KCND2: variants seen among roughly 807,000 people sequenced by gnomAD.
KCND2 encodes potassium voltage-gated channel subfamily D member 2.
KCND2 carries 16 observed loss-of-function variants against 54.4 expected under a neutral mutation model. The ratio of observed to expected loss-of-function variants is 0.29; its 90% CI spans 0.20 to 0.45. KCND2 has a LOEUF of 0.45. KCND2 is among the 20% of genes least tolerant of loss of function. The pLI is 1.00. For synonymous variants in KCND2, 317 were observed against 310.7 expected (o/e 1.02, Z -0.21); for missense variants, 486 against 824.2 (o/e 0.59, Z 5.02).
chr7:120,504,878 A>G (rs1007826076), intron 1 of KCND2, among the ~76,000 whole-genome samples: 18 of 151,588 alleles, frequency 1.2e-4, no homozygotes, highest in African/African-American at 4.4e-4. Flanking sequence ...GAATATCGGT[A>G]TACTCTTTTT....
chr7:120,477,363 G>A (rs1195755838), intron 1 of KCND2, among the ~76,000 whole-genome samples: 3 of 152,048 alleles, frequency 2.0e-5, no homozygotes, highest in Admixed American at 2.0e-4. Context: ...TCCACTGTGG[G>A]GAAGATTATA....
chr7:120,482,476 G>T (rs1802620482), intron 1 of KCND2, among the ~76,000 whole-genome samples: 1 of 152,172 alleles, frequency 6.6e-6, no homozygotes, highest in Non-Finnish European at 1.5e-5. Flanking sequence ...GAGAAGAAAT[G>T]ATATAGTTTG....
chr7:120,414,530 C>T (rs539058279), intron 1 of KCND2, among the ~76,000 whole-genome samples: 47 of 152,182 alleles, frequency 3.1e-4, no homozygotes, highest in African/African-American at 1.0e-3. Flanking sequence ...TTACTAGAAC[C>T]TTGTATCACA....
intron 1 of KCND2, among the ~76,000 whole-genome samples, chr7:120,709,995 A>G (rs1178648023): frequency 6.6e-6 from 1 of 152,214 alleles, no homozygotes; most frequent in Non-Finnish European, 1.5e-5. Context: ...ATTTCCAGAC[A>G]GCAACAGCAG....
intron 1 of KCND2, among the ~76,000 whole-genome samples, chr7:120,619,495 A>G (rs1172861777): frequency 1.3e-5 from 2 of 152,280 alleles, no homozygotes; most frequent in Non-Finnish European, 2.9e-5. Flanking sequence ...TGGCCTATCA[A>G]CTAAGATGAA....
chr7:120,295,521 A>T (rs923373690), intron 1 of KCND2, among the ~76,000 whole-genome samples: 37 of 152,080 alleles, frequency 2.4e-4, no homozygotes, highest in African/African-American at 7.7e-4. Flanking sequence ...GGAGTTTCAC[A>T]GAAGGCTTGC....
At chr7:120,389,199 G>A (rs1020562353) in intron 1 of KCND2, among the ~76,000 whole-genome samples, 1 of 151,694 alleles carries the variant, frequency 6.6e-6, no homozygotes, top group African/African-American at 2.4e-5. Context: ...AAGCCAAAAG[G>A]TCCATAATTT....
intron 1 of KCND2, among the ~76,000 whole-genome samples, chr7:120,665,030 A>G (rs549081035): frequency 6.6e-6 from 1 of 152,174 alleles, no homozygotes; most frequent in South Asian, 2.1e-4. Context: ...ATCCACGATG[A>G]TGTGGTTTAC....
At chr7:120,701,866 C>T (rs559963264) in intron 1 of KCND2, among the ~76,000 whole-genome samples, 51 of 152,256 alleles carry the variant, frequency 3.3e-4, no homozygotes, top group Admixed American at 7.8e-4. Flanking sequence ...TGGAAGACAA[C>T]GTAGGCAATG....
intron 1 of KCND2, among the ~76,000 whole-genome samples, chr7:120,712,231 G>T (rs1275392819): frequency 3.1e-5 from 2 of 64,288 alleles, no homozygotes; most frequent in Admixed American, 1.6e-4. Flanking sequence ...TTTGAATTTT[G>T]GATATCTGAA....
At chr7:120,615,587 G>A (rs543066322) in intron 1 of KCND2, among the ~76,000 whole-genome samples, 177 of 152,184 alleles carry the variant, frequency 1.2e-3, no homozygotes, top group Non-Finnish European at 2.1e-3. Flanking sequence ...ATTTGATAAG[G>A]GGCAACCCCA....
chr7:120,552,788 A>G (rs1271195503), intron 1 of KCND2, among the ~76,000 whole-genome samples: 1 of 152,106 alleles, frequency 6.6e-6, no homozygotes, highest in Middle Eastern at 3.2e-3. Flanking sequence ...TGAAATAGTC[A>G]CTATGCCAGG....
In KCND2 at chr7:120,745,920, A is replaced by T; in HGVS notation, c.1608A>T (p.Lys536Asn). 6.2e-7 allele frequency: 1 copy of T among 1,613,910 alleles called. No individual in the cohort carries two copies. The highest frequency in any genetic ancestry group is 1.3e-5 in the African/African-American group (1 of 75,026). Reference sequence around the variant, plus strand: ...CCTGCTGTTCACGACGACACAAAAAAACTTTTCGCATCCCAAATGCCAATG... The same window carrying T: ...CCTGCTGTTCACGACGACACAAAAATACTTTTCGCATCCCAAATGCCAATG... Reference protein sequence around the residue: ...TSTCCSRRHKKTFRIPNANVS... With the variant: ...TSTCCSRRHKNTFRIPNANVS... The change falls in exon 5 of 6, where the codon AAA becomes AAT. Residue 536 changes from lysine to asparagine, a missense_variant. Lys to Asn is a moderately conservative substitution (Grantham distance 94, BLOSUM62 0). Coordinates refer to ENST00000331113, the MANE Select transcript of KCND2 (RefSeq NM_012281.3).
chr7:120,336,545 A>G (rs1016330118), intron 1 of KCND2, among the ~76,000 whole-genome samples: 1 of 152,182 alleles, frequency 6.6e-6, no homozygotes, highest in African/African-American at 2.4e-5. Context: ...GATAGTAGCT[A>G]TAGTATTTAT....
At position 120,428,105 on chromosome 7, in the gene KCND2, A is replaced by G. The variant is rs1801738583; in HGVS notation, c.1115+152358A>G. Among the ~76,000 whole-genome samples the G allele has an allele frequency of 3.3e-5, 5 of 152,228 alleles. No homozygotes were observed. In the South Asian group the frequency reaches 1.0e-3, roughly 31 times the overall value. On this transcript the variant is annotated intron_variant, in intron 1 of 5. Transcript: ENST00000331113. ...TTGAATATTATAATCACTTGAACAT[A>G]AAGTACATTTACCATATTCCATTTG...
At chr7:120,535,926 A>G (rs2116371941) in intron 1 of KCND2, among the ~76,000 whole-genome samples, 1 of 152,222 alleles carries the variant, frequency 6.6e-6, no homozygotes, top group African/African-American at 2.4e-5. Context: ...AGGCAGCTGC[A>G]AGATAATTAA....
chr7:120,297,134 A>C (rs749614719), intron 1 of KCND2, among the ~76,000 whole-genome samples: 4 of 152,004 alleles, frequency 2.6e-5, no homozygotes, highest in Non-Finnish European at 4.4e-5. Flanking sequence ...CATCACGTAC[A>C]TTGTATCTAT....
chr7:120,329,542 AAAAC>A (rs1299548181), intron 1 of KCND2, among the ~76,000 whole-genome samples: 3 of 152,160 alleles, frequency 2.0e-5, no homozygotes, highest in African/African-American at 7.2e-5. Context: ...TTGAAGGAAA[AAAAC>A]TGTTGCTTTT....
At chr7:120,330,516 G>T (rs1164101195) in intron 1 of KCND2, among the ~76,000 whole-genome samples, 1 of 125,042 alleles carries the variant, frequency 8.0e-6, no homozygotes, top group Non-Finnish European at 1.6e-5. Flanking sequence ...GGGAGGTGGA[G>T]GTTTCAGTGA....
Sources: allele counts gnomAD v4.1 joint callset (sites outside exome capture counted in the v4.1 genomes callset), GRCh38; gene constraint gnomAD v4.1.1; transcripts MANE v1.5; gene names NCBI Gene and HGNC (gene_info 2026-07-23, HGNC 2026-07-21).